The following SLC27A4 variants were observed in gnomAD, a reference collection of about 807,000 sequenced individuals.
SLC27A4 encodes the protein long-chain fatty acid transport protein 4.
Under a neutral mutation model 64.4 loss-of-function variants are expected in SLC27A4, and 33 were observed. That is an observed-to-expected ratio of 0.51 (90% CI 0.39 to 0.68). The LOEUF is 0.68. Among genes scored for constraint, SLC27A4 ranks in the 30% least tolerant of loss-of-function variants. The pLI is 0.00. For missense variants in SLC27A4, 824 were observed against 883.5 expected (o/e 0.93, Z 0.85); for synonymous variants, 377 against 370.0 (o/e 1.02, Z -0.22).
At chr9:128,341,767 C>G (rs1832576102) in intron 1 of SLC27A4, among the ~76,000 whole-genome samples, 1 of 151,118 alleles carries the variant, frequency 6.6e-6, no homozygotes, top group Non-Finnish European at 1.5e-5. Context: ...GAGACGGAGT[C>G]TCGCTCTGTC....
In SLC27A4 at chr9:128,360,755, C is replaced by T. The variant is rs1832890466; in HGVS notation, c.*264C>T. On this transcript the variant is annotated 3_prime_UTR_variant, in exon 13 of 13. Coordinates refer to ENST00000300456, the MANE Select transcript of SLC27A4 (RefSeq NM_005094.4). ...CCAGGCTGAGACTGACGGGTTTTCTCAGGATGATGTCTTGGGTGAGGGTAG... is the reference window on the plus strand; with the variant it reads ...CCAGGCTGAGACTGACGGGTTTTCTTAGGATGATGTCTTGGGTGAGGGTAG... The T allele has an allele frequency of 2.0e-6, 1 of 503,594 alleles. No homozygotes were observed. The allele number at this position is 503,594 out of a possible 1,614,324, so 31.2% of individuals were successfully genotyped here.
chr9:128,358,868 C>A (rs1832858142), intron 12 of SLC27A4, among the ~76,000 whole-genome samples: 1 of 152,224 alleles, frequency 6.6e-6, no homozygotes, highest in African/African-American at 2.4e-5. Context: ...GAAGGCTAGA[C>A]TAGCCCCAGG....
intron 1 of SLC27A4, chr9:128,342,624 G>A (rs1475420721): frequency 8.8e-6 from 4 of 453,052 alleles, no homozygotes; most frequent in Non-Finnish European, 1.7e-5. Context: ...GTGAAATCTA[G>A]AGTAAAACCA....
At chr9:128,355,288 C>T (rs1832800605) in intron 10 of SLC27A4, 98 bp downstream of exon 10, 1 of 1,600,586 alleles carries the variant, frequency 6.2e-7, no homozygotes, top group Non-Finnish European at 8.5e-7. Flanking sequence ...TCCCCCAGTC[C>T]TGGCCCTTGT....
At chr9:128,350,725 G>T in intron 6 of SLC27A4, 150 bp downstream of exon 6, 1 of 708,700 alleles carries the variant, frequency 1.4e-6, no homozygotes, top group Non-Finnish European at 2.5e-6. Context: ...GGAGGCCAAG[G>T]TGGGCGGATC....
Position 128,350,230 on chromosome 9 carries a change from C to T in SLC27A4, c.716-82C>T. On this transcript the variant is annotated intron_variant, in intron 4 of 12. Coordinates refer to ENST00000300456, the MANE Select transcript of SLC27A4 (RefSeq NM_005094.4). ...TGATGGGAACAGGTGTTGAAGGGTG[C>T]ACACCTGCAGGTGTCCATTTGTGTG... The T allele has an allele frequency of 7.3e-6, 8 of 1,102,500 alleles. No homozygotes were observed. The South Asian group carries it at 7.8e-5, about 11-fold the overall frequency. The allele number at this position is 1,102,500 out of a possible 1,614,324, so 68.3% of individuals were successfully genotyped here. A position where few individuals can be genotyped will look rare whatever the true frequency, so the allele number is the denominator to read the frequency against.
At chr9:128,352,595 T>A in intron 6 of SLC27A4, 43 bp from the exon 7 acceptor site, 1 of 1,483,258 alleles carries the variant, frequency 6.7e-7, no homozygotes, top group Non-Finnish European at 9.4e-7. Context: ...CCGGGGAGGG[T>A]CTTCATCTCG....
chr9:128,359,781 G>A (rs111715853), intron 12 of SLC27A4, among the ~76,000 whole-genome samples: 8,785 of 152,192 alleles, frequency 0.058, 335 homozygotes, highest in Middle Eastern at 0.14. Context: ...CTCCAGCCTG[G>A]GTGATAGAGT....
chr9:128,355,733 A>T lies in SLC27A4; in HGVS notation c.1711A>T (p.Lys571Ter), dbSNP rs369542828. The T allele has an allele frequency of 1.9e-6, 3 of 1,613,656 alleles. No individual in the cohort carries two copies. The highest frequency in any genetic ancestry group is 1.7e-5 in the Admixed American group (1 of 60,016). Reference protein sequence around the residue: ...DLERFAQVLEKELPLYARPIF... With the variant: ...DLERFAQVLE ...GGAGCGCTTTGCTCAGGTCTTGGAGAAGGAACTGCCCCTGTATGCGCGCCC... is the reference window on the plus strand; with the variant it reads ...GGAGCGCTTTGCTCAGGTCTTGGAGTAGGAACTGCCCCTGTATGCGCGCCC... Residue 571 changes from lysine (K) to a stop codon, truncating the protein, a stop_gained, in exon 12 of 13, where the codon AAG becomes TAG. Coordinates refer to ENST00000300456, the MANE Select transcript of SLC27A4 (RefSeq NM_005094.4). LOFTEE classifies it high-confidence loss of function.
chr9:128,341,191 G>A (rs1832566180), intron 1 of SLC27A4, among the ~76,000 whole-genome samples: 2 of 152,194 alleles, frequency 1.3e-5, no homozygotes, highest in Admixed American at 1.3e-4. Flanking sequence ...TGCTTTTCGC[G>A]AGGGGGAGGG....
intron 4 of SLC27A4, 32 bp downstream of exon 4, chr9:128,348,735 C>G: frequency 1.2e-6 from 2 of 1,604,476 alleles, no homozygotes; most frequent in Admixed American, 1.7e-5. Flanking sequence ...TAGAGGGGCT[C>G]TCACACAGGC....
At chr9:128,344,192 C>G (rs940932382) in intron 2 of SLC27A4, among the ~76,000 whole-genome samples, 16 of 152,052 alleles carry the variant, frequency 1.1e-4, no homozygotes, top group Non-Finnish European at 2.1e-4. Context: ...GGAGATGAAT[C>G]CAACCAGAAG....
intron 9 of SLC27A4, among the ~76,000 whole-genome samples, 173 bp from the exon 10 acceptor site, chr9:128,354,880 G>A (rs1285131662): frequency 4.0e-5 from 6 of 150,834 alleles, no homozygotes; most frequent in Non-Finnish European, 8.8e-5. Context: ...TTGAACCCAG[G>A]AGGTAGAGGT....
intron 7 of SLC27A4, 65 bp downstream of exon 7, chr9:128,352,812 C>A: frequency 7.7e-7 from 1 of 1,298,840 alleles, no homozygotes; most frequent in Non-Finnish European, 1.1e-6. Flanking sequence ...AACTACACTC[C>A]GGGGCATCTG....
chr9:128,356,482 C>T lies in SLC27A4; in HGVS notation c.1774+686C>T, dbSNP rs536007005. ...GCCAGGGTAAGAGTCGGGACTGTCCCGGGGGCAGTAGGGAGCCACAGAAGC... is the reference window on the plus strand; with the variant it reads ...GCCAGGGTAAGAGTCGGGACTGTCCTGGGGGCAGTAGGGAGCCACAGAAGC... On this transcript the variant is annotated intron_variant, in intron 12 of 12. Transcript: ENST00000300456. Among the ~76,000 whole-genome samples, 24 of 152,314 alleles carry T rather than the reference C, an allele frequency of 1.6e-4. No homozygotes were observed. The South Asian group carries it at 4.6e-3, about 29-fold the overall frequency.
chr9:128,348,214 C>G (rs1237537706), intron 3 of SLC27A4, among the ~76,000 whole-genome samples: 1 of 152,166 alleles, frequency 6.6e-6, no homozygotes, highest in African/African-American at 2.4e-5. Flanking sequence ...GCTGGCATTG[C>G]ACGCCAGGTC....
In SLC27A4 at chr9:128,354,712, C is replaced by G. The variant is rs1011973645; in HGVS notation, c.1325-341C>G. On this transcript the variant is annotated intron_variant, in intron 9 of 12. Transcript: ENST00000300456. ...CCTGTAATCCCAGCACTTTGGGAGG[C>G]CGAGGCGGGTGGATCACCTGAGGTC... 5.0e-4 allele frequency among the ~76,000 whole-genome samples: 76 copies of G among 151,808 alleles called. 2 individuals are homozygous for G. Among genetic ancestry groups the G allele is most frequent in the Admixed American group, 3.4e-3 (52 of 15,208 alleles).
rs16930354 is a variant in SLC27A4 at position 128,353,644 on chromosome 9, T to C, written c.1324+103T>C. On this transcript the variant is annotated intron_variant, in intron 9 of 12. Transcript: ENST00000300456. This position sits in a 1 kb window ranked among gnomAD's most constrained non-coding sequence, Gnocchi z 4.9. ...TGTTCTGACCAGTGGCCATCAGTTATCTCTGCTCTTAGGGTTACAAGTTAC... is the reference window on the plus strand; with the variant it reads ...TGTTCTGACCAGTGGCCATCAGTTACCTCTGCTCTTAGGGTTACAAGTTAC... The C allele has an allele frequency of 0.052, 63,783 of 1,221,450 alleles. 2,585 individuals are homozygous for C. Among genetic ancestry groups the C allele is most frequent in the East Asian group, 0.22 (9,186 of 42,540 alleles). 75.7% of individuals were successfully genotyped at this position (1,221,450 alleles called of 1,614,324 possible). A position where few individuals can be genotyped will look rare whatever the true frequency, so the allele number is the denominator to read the frequency against.
Position 128,355,673 on chromosome 9 carries a change from G to T in SLC27A4, c.1651G>T (p.Ala551Ser). The T allele has an allele frequency of 6.2e-7, 1 of 1,612,018 alleles. No homozygotes were observed. Residue 551 changes from alanine (A) to serine (S), a missense_variant, in exon 12 of 13, where the codon GCT (alanine) becomes TCT (serine). By Grantham distance (99) the Ala-to-Ser change is moderately conservative. Coordinates refer to ENST00000300456, the MANE Select transcript of SLC27A4 (RefSeq NM_005094.4). ...AGGAACCGAGGGCCGGGCCGGAATGGCTGCTGTGGCCAGCCCCACTGGCAA... is the reference window on the plus strand; with the variant it reads ...AGGAACCGAGGGCCGGGCCGGAATGTCTGCTGTGGCCAGCCCCACTGGCAA... The part of the protein sequence containing the change: ...VPGTEGRAGM[A>S]AVASPTGNCD...
Sources: gnomAD v4.1 joint callset for allele counts (sites outside exome capture counted in the v4.1 genomes callset) on GRCh38, gnomAD v4.1.1 for gene constraint, Gnocchi (gnomAD v3.1) non-coding constraint, MANE v1.5 for transcripts, NCBI Gene and HGNC (gene_info 2026-07-23, HGNC 2026-07-21) for gene names.